DPY19L3: variants seen among roughly 807,000 people sequenced by gnomAD.
DPY19L3 encodes protein C-mannosyl-transferase DPY19L3.
Under a neutral mutation model 92.3 loss-of-function variants are expected in DPY19L3, and 51 were observed. The ratio of observed to expected loss-of-function variants is 0.55; its 90% CI spans 0.44 to 0.70. The LOEUF is 0.70. DPY19L3 is among the 30% of genes least tolerant of loss of function. The probability of loss-of-function intolerance (pLI) is 0.00; values close to 1 mark genes in which losing one functional copy is unlikely to be tolerated. For missense variants in DPY19L3, 706 were observed against 855.9 expected (o/e 0.82, Z 2.18); for synonymous variants, 309 against 315.2 (o/e 0.98, Z 0.21).
At chr19:32,477,785 T>C (rs1436535342) in intron 17 of DPY19L3, 131 bp downstream of exon 17, 2 of 1,263,602 alleles carry the variant, frequency 1.6e-6, no homozygotes, top group East Asian at 5.1e-5. Flanking sequence ...TAGTCTGTTT[T>C]CACGCTACTG....
chr19:32,456,079 CTTTT>C (rs899726982), intron 10 of DPY19L3, among the ~76,000 whole-genome samples: 11 of 103,404 alleles, frequency 1.1e-4, no homozygotes, highest in African/African-American at 2.6e-4. Context: ...TCACTATGTT[CTTTT>C]TTTTTTTTTT....
At chr19:32,406,149 G>C (rs541064470) in intron 1 of DPY19L3, 1 of 151,492 alleles carries the variant, frequency 6.6e-6, no homozygotes, top group Non-Finnish European at 1.5e-5. Flanking sequence ...GCTTCTGCTC[G>C]TCGGCCGTGC....
intron 12 of DPY19L3, among the ~76,000 whole-genome samples, chr19:32,462,716 A>G (rs1208597338): frequency 3.3e-5 from 5 of 152,238 alleles, no homozygotes; most frequent in South Asian, 4.1e-4. Context: ...TTAAAGATAT[A>G]TATTAGTGAA....
intron 16 of DPY19L3, among the ~76,000 whole-genome samples, chr19:32,474,541 A>G (rs1970449569): frequency 6.6e-6 from 1 of 152,204 alleles, no homozygotes. Context: ...GGCTCACTAC[A>G]GCACTGGGTT....
rs1188106927 is a variant in DPY19L3, at chr19:32,453,224, G to T, written c.935G>T (p.Gly312Val). Residue 312 changes from glycine to valine, a missense_variant, in exon 9 of 19, where the codon GGA becomes GTA. Coordinates refer to ENST00000392250, the MANE Select transcript of DPY19L3 (RefSeq NM_001172774.2). ...CAGTTTTTTAATTCCATGATTCTTG[G>T]ATCACTGCTTATCAGTTTTAACCTT... The part of the protein sequence containing the change: ...ILQFFNSMIL[G>V]SLLISFNLSV... 6.2e-7 allele frequency: 1 copy of T among 1,613,964 alleles called. No homozygotes were observed. Among genetic ancestry groups the T allele is most frequent in the Non-Finnish European group, 8.5e-7 (1 of 1,179,968 alleles).
rs1447659850 is a variant in DPY19L3, at chr19:32,436,570, A to G, written c.450+3A>G. The G allele has an allele frequency of 6.8e-7, 1 of 1,481,260 alleles. No individual in the cohort carries two copies. The highest frequency in any genetic ancestry group is 9.0e-7 in the Non-Finnish European group (1 of 1,107,174). 91.8% of individuals were successfully genotyped at this position (1,481,260 alleles called of 1,614,324 possible). On this transcript the variant is annotated splice_donor_region_variant and intron_variant, in intron 5 of 18. Coordinates refer to ENST00000392250, the MANE Select transcript of DPY19L3 (RefSeq NM_001172774.2). Reference sequence around the variant, plus strand: ...TATATAGAGTTCTACCCATACAGGTATGTTTTGTGATATTGAATTATTAAT... The same window carrying G: ...TATATAGAGTTCTACCCATACAGGTGTGTTTTGTGATATTGAATTATTAAT...
chr19:32,425,618 T>A (rs920320532), intron 3 of DPY19L3, among the ~76,000 whole-genome samples: 2 of 151,826 alleles, frequency 1.3e-5, no homozygotes, highest in African/African-American at 4.8e-5. Flanking sequence ...GGCTGTAGAA[T>A]AGATTTTGTG....
At position 32,480,431 on chromosome 19, in the gene DPY19L3, G is replaced by A; in HGVS notation, c.1863G>A (p.Glu621=). ...VYQIYAKRAP[E]EVHALLRSFG... Reference sequence around the variant, plus strand: ...AGATATATGCCAAGAGGGCACCAGAGGAAGTGCATGCCCTCCTAAGGTCCT... The same window carrying A: ...AGATATATGCCAAGAGGGCACCAGAAGAAGTGCATGCCCTCCTAAGGTCCT... Residue 621 remains glutamate, a synonymous_variant, in exon 18 of 19, where the codon GAG becomes GAA. Transcript: ENST00000392250. 1 of 1,613,616 alleles carries A rather than the reference G, an allele frequency of 6.2e-7. No individual in the cohort carries two copies. Among genetic ancestry groups the A allele is most frequent in the Non-Finnish European group, 8.5e-7 (1 of 1,179,814 alleles).
At chr19:32,405,969 C>T (rs1967925239) in intron 1 of DPY19L3, 60 bp downstream of exon 1, 1 of 151,254 alleles carries the variant, frequency 6.6e-6, no homozygotes, top group South Asian at 2.1e-4. Context: ...GGGCGGGCGC[C>T]GGCGGAACCC....
rs778904012 is a variant in DPY19L3, at chr19:32,439,245, T to C, written c.720+10T>C. 67 of 1,565,880 alleles carry C rather than the reference T, an allele frequency of 4.3e-5. 1 individual carries two copies. In the South Asian group the frequency reaches 1.0e-3, roughly 24 times the overall value. On this transcript the variant is annotated intron_variant, in intron 7 of 18. Transcript: ENST00000392250. ...ACAGCCTCTTTCTGAAGTAAGTGTT[T>C]ATAAAATTTCATATATTTTAATCCC...
chr19:32,478,053 C>G (rs1478953528), intron 17 of DPY19L3, among the ~76,000 whole-genome samples: 1 of 152,162 alleles, frequency 6.6e-6, no homozygotes, highest in African/African-American at 2.4e-5. Context: ...TCAGTTACCT[C>G]CCACCAGGTC....
At chr19:32,453,710 C>G (rs1242340512) in intron 9 of DPY19L3, among the ~76,000 whole-genome samples, 2 of 152,068 alleles carry the variant, frequency 1.3e-5, no homozygotes, top group African/African-American at 4.8e-5. Flanking sequence ...TTTTCCCCAT[C>G]CTTCCATACC....
At chr19:32,417,676 T>C (rs1421262319) in intron 3 of DPY19L3, among the ~76,000 whole-genome samples, 1 of 152,240 alleles carries the variant, frequency 6.6e-6, no homozygotes, top group African/African-American at 2.4e-5. Context: ...CCTGCCGCCA[T>C]GTAAGACTTA....
In DPY19L3 at chr19:32,477,593, G is replaced by C. The variant is rs1970549500; in HGVS notation, c.1769G>C (p.Gly590Ala). ...CTGGCCGGAGTCAAGCTGTGCACGGGAAGGACCCTAACCAACCACCCGCAC... is the reference window on the plus strand; with the variant it reads ...CTGGCCGGAGTCAAGCTGTGCACGGCAAGGACCCTAACCAACCACCCGCAC... ...QLLAGVKLCT[G>A]RTLTNHPHYE... Residue 590 changes from glycine to alanine, a missense_variant, in exon 17 of 19, where the codon GGA becomes GCA. Gly to Ala is a moderately conservative substitution (Grantham distance 60). Transcript: ENST00000392250. The C allele has an allele frequency of 6.2e-7, 1 of 1,614,124 alleles. No individual in the cohort carries two copies. The highest frequency in any genetic ancestry group is 2.2e-5 in the East Asian group (1 of 44,866).
Position 32,482,167 on chromosome 19 carries a change from C to G in DPY19L3, c.2078C>G (p.Pro693Arg). Residue 693 changes from proline (P) to arginine (R), a missense_variant, in exon 19 of 19, where the codon CCC (proline) becomes CGC (arginine). Pro to Arg is a moderately radical substitution (Grantham distance 103). Transcript: ENST00000392250. Reference sequence around the variant, plus strand: ...GAAGAGATCAAAAGAAACCTGCCTCCCTACGTGGCCTACTTCACCAGAGTG... The same window carrying G: ...GAAGAGATCAAAAGAAACCTGCCTCGCTACGTGGCCTACTTCACCAGAGTG... ...FCEEIKRNLP[P>R]YVAYFTRVFQ... 6.2e-7 allele frequency: 1 copy of G among 1,613,830 alleles called. No homozygotes were observed. The highest frequency in any genetic ancestry group is 8.5e-7 in the Non-Finnish European group (1 of 1,179,866).
At chr19:32,479,453 A>C in intron 17 of DPY19L3, 1 of 276,300 alleles carries the variant, frequency 3.6e-6, no homozygotes, top group South Asian at 2.9e-5. Flanking sequence ...ACGGCTCTTC[A>C]TCAGGACCCT....
intron 3 of DPY19L3, chr19:32,412,364 T>C (rs1968214443): frequency 1.4e-5 from 1 of 73,978 alleles, no homozygotes; most frequent in African/African-American, 7.1e-5. Context: ...TTTGTGAAAC[T>C]TTTAATTTTA....
chr19:32,454,104 A>T (rs1224549020), intron 9 of DPY19L3, among the ~76,000 whole-genome samples: 1 of 152,190 alleles, frequency 6.6e-6, no homozygotes, highest in Non-Finnish European at 1.5e-5. Flanking sequence ...CCTTAATTAT[A>T]AATATTACTC....
At chr19:32,462,639 C>T (rs1434198279) in intron 12 of DPY19L3, among the ~76,000 whole-genome samples, 1 of 152,104 alleles carries the variant, frequency 6.6e-6, no homozygotes, top group African/African-American at 2.4e-5. Context: ...CATATGTTCT[C>T]TATTCTTCCA....
Sources: gnomAD v4.1 joint callset for allele counts (sites outside exome capture counted in the v4.1 genomes callset) on GRCh38, gnomAD v4.1.1 for gene constraint, MANE v1.5 for transcripts, NCBI Gene and HGNC (gene_info 2026-07-23, HGNC 2026-07-21) for gene names.